Variants in MOSPD1 observed in about 807,000 individuals in gnomAD.
The protein encoded by MOSPD1 is motile sperm domain containing 1, also known as motile sperm domain-containing protein 1.
In MOSPD1, 5 loss-of-function variants were observed where a neutral mutation model predicts 16.7. The ratio of observed to expected loss-of-function variants is 0.30; its 90% CI spans 0.16 to 0.63. The LOEUF (loss-of-function observed/expected upper bound fraction) is 0.63, where lower values mean the gene tolerates loss of function less well. MOSPD1 is among the 30% of genes least tolerant of loss of function. MOSPD1 has a pLI of 0.82. For missense variants in MOSPD1, 104 were observed against 153.6 expected, an observed-to-expected ratio of 0.68 and a Z score of 1.71; for synonymous variants, 67 against 59.2, an observed-to-expected ratio of 1.13 and a Z score of -0.61.
In MOSPD1 at chrX:134,913,921, C is replaced by A. The variant is rs1189417253; in HGVS notation, c.-102+1261G>T. Among the ~76,000 whole-genome samples the A allele has an allele frequency of 2.3e-4, 26 of 111,812 alleles. No homozygotes were observed. In the Admixed American group the frequency reaches 2.5e-3, roughly 11 times the overall value. On this transcript the variant is annotated intron_variant, in intron 1 of 5. Coordinates refer to ENST00000370783, the MANE Select transcript of MOSPD1 (RefSeq NM_019556.3). ...TGGCCGTTTCCTGTTTTCCAAACTT[C>A]CCACTACCAACTATAAGTGTAATCT...
chrX:134,904,383 G>A (rs1285500833), intron 1 of MOSPD1, among the ~76,000 whole-genome samples: 3 of 112,319 alleles, frequency 2.7e-5, no homozygotes, highest in Non-Finnish European at 5.6e-5. Flanking sequence ...AATGCACATA[G>A]CCTCAGTTCC....
intron 5 of MOSPD1, among the ~76,000 whole-genome samples, chrX:134,890,380 G>A (rs1186257152): frequency 2.7e-5 from 3 of 109,747 alleles, no homozygotes; most frequent in African/African-American, 1.0e-4. Flanking sequence ...ACTAGGGGGT[G>A]GTTGTGAGAG....
intron 1 of MOSPD1, among the ~76,000 whole-genome samples, chrX:134,912,237 G>A (rs62601677): frequency 0.041 from 4,546 of 111,345 alleles, 104 homozygotes; most frequent in Non-Finnish European, 0.059. Flanking sequence ...TAGTAGAGTC[G>A]GGGTTTCTCC....
At chrX:134,905,613 T>C (rs760989014) in intron 1 of MOSPD1, among the ~76,000 whole-genome samples, 89 of 110,996 alleles carry the variant, frequency 8.0e-4, no homozygotes, top group Non-Finnish European at 1.0e-3. Flanking sequence ...TTGAAAAAGG[T>C]GCCTGTTTTT....
intron 4 of MOSPD1, 114 bp downstream of exon 4, chrX:134,896,703 A>G: frequency 1.8e-6 from 1 of 549,765 alleles, no homozygotes; most frequent in Admixed American, 3.7e-5. Flanking sequence ...GAAGTAGTTG[A>G]CCATGTTTGA....
chrX:134,896,978 C>T lies in MOSPD1; in HGVS notation c.287G>A (p.Arg96His), dbSNP rs761380770. ...SCHYGVIDKF[R>H]LQVSEQSQRK... ...TTGGCTTTGCTCGGAAACTTGGAGA[C>T]GGAATTTGTCTATTACACCATAGTG... Residue 96 changes from arginine (R) to histidine (H), a missense_variant, in exon 4 of 6, where the codon CGT becomes CAT. Arg to His is a conservative substitution (Grantham distance 29, BLOSUM62 0). This residue lies in a region of MOSPD1 where 68 missense variants were observed against 73.1 expected (regional missense o/e 0.93). Coordinates refer to ENST00000370783, the MANE Select transcript of MOSPD1 (RefSeq NM_019556.3). 6 of 1,210,781 alleles carry T rather than the reference C, an allele frequency of 5.0e-6. No homozygotes were observed. Among genetic ancestry groups the T allele is most frequent in the Admixed American group, 2.2e-5 (1 of 45,919 alleles).
Position 134,896,937 on chromosome X carries a change from T to C in MOSPD1, c.328A>G (p.Arg110Gly), listed in dbSNP as rs775224311. ...SEQSQRKALG[R>G]KEVVATLLPS... Reference sequence around the variant, plus strand: ...AGAAGAGTAGCAACAACCTCTTTTCTTCCCAAAGCCTTCCTTTGGCTTTGC... The same window carrying C: ...AGAAGAGTAGCAACAACCTCTTTTCCTCCCAAAGCCTTCCTTTGGCTTTGC... Residue 110 changes from arginine (R) to glycine (G), a missense_variant, in exon 4 of 6, where the codon AGA becomes GGA. Physicochemically the swap from Arg to Gly is moderately radical, Grantham distance 125. This residue lies in a region of MOSPD1 where 68 missense variants were observed against 73.1 expected (regional missense o/e 0.93). Coordinates refer to ENST00000370783, the MANE Select transcript of MOSPD1 (RefSeq NM_019556.3). 6.6e-6 allele frequency: 8 copies of C among 1,210,106 alleles called. No individual in the cohort carries two copies. Among genetic ancestry groups the C allele is most frequent in the Non-Finnish European group, 7.8e-6 (7 of 893,989 alleles).
At chrX:134,905,877 C>G (rs183056360) in intron 1 of MOSPD1, among the ~76,000 whole-genome samples, 3 of 112,195 alleles carry the variant, frequency 2.7e-5, no homozygotes, top group South Asian at 3.6e-4. Context: ...GTTCATAAAT[C>G]TGACTGGGAA....
Position 134,897,047 on chromosome X carries a change from A to G in MOSPD1, c.231-13T>C. The G allele has an allele frequency of 8.8e-7, 1 of 1,137,581 alleles. No homozygotes were observed. Among genetic ancestry groups the G allele is most frequent in the Non-Finnish European group, 1.2e-6 (1 of 832,723 alleles). The allele number at this position is 1,137,581 out of a possible 1,213,427, so 93.7% of individuals were successfully genotyped here. A position where few individuals can be genotyped will look rare whatever the true frequency, so the allele number is the denominator to read the frequency against. ...ATGACGAATCACACTGAAAACAGCA[A>G]AAATAACAAATGCTGTTTAGATTTC... is the stretch of plus-strand genomic sequence containing the variant. On this transcript the variant is annotated splice_polypyrimidine_tract_variant and intron_variant, in intron 3 of 5. Transcript: ENST00000370783.
At chrX:134,897,618 A>C (rs1487523777) in intron 3 of MOSPD1, among the ~76,000 whole-genome samples, 3 of 106,460 alleles carry the variant, frequency 2.8e-5, no homozygotes, top group Non-Finnish European at 1.9e-5. Flanking sequence ...TTTTCTGGAT[A>C]ACTCAGTGCA....
chrX:134,891,385 C>CT, intron 5 of MOSPD1, 94 bp downstream of exon 5: 1 of 889,458 alleles, frequency 1.1e-6, no homozygotes, highest in Non-Finnish European at 1.6e-6. Context: ...TTTACCTGTT[C>CT]TTTGGGAAAA....
At chrX:134,895,818 T>C (rs1223100706) in intron 4 of MOSPD1, among the ~76,000 whole-genome samples, 4 of 110,569 alleles carry the variant, frequency 3.6e-5, no homozygotes, top group East Asian at 2.9e-4. Context: ...AAAATCGCAA[T>C]TGCTTTTGCA....
intron 1 of MOSPD1, among the ~76,000 whole-genome samples, chrX:134,902,135 T>C (rs941102597): frequency 4.5e-5 from 5 of 111,245 alleles, no homozygotes; most frequent in Admixed American, 9.6e-5. Flanking sequence ...CCTGGCGCCA[T>C]GGTGGCTCAC....
intron 1 of MOSPD1, among the ~76,000 whole-genome samples, chrX:134,910,282 G>A (rs920027745): frequency 9.0e-6 from 1 of 110,834 alleles, no homozygotes; most frequent in African/African-American, 3.3e-5. Context: ...GCGGGCGCCT[G>A]TAATCCCAGC....
chrX:134,913,140 G>A (rs895419052), intron 1 of MOSPD1, among the ~76,000 whole-genome samples: 3 of 109,639 alleles, frequency 2.7e-5, no homozygotes, highest in Admixed American at 9.7e-5. Context: ...TTGGGAGACC[G>A]AGGGGGGGCA....
intron 1 of MOSPD1, among the ~76,000 whole-genome samples, chrX:134,901,374 C>T (rs113105439): frequency 0.013 from 1,441 of 108,572 alleles, 22 homozygotes; most frequent in African/African-American, 0.045. Context: ...GTTGGCCGGG[C>T]GCGGTGGCTC....
intron 1 of MOSPD1, among the ~76,000 whole-genome samples, chrX:134,913,513 A>G (rs1193870541): frequency 8.9e-6 from 1 of 112,084 alleles, no homozygotes; most frequent in East Asian, 2.8e-4. Flanking sequence ...TCATTTCTTA[A>G]CTGTTAGTTT....
In MOSPD1 at chrX:134,887,906, A is replaced by G. The variant is rs1322669572; in HGVS notation, c.*1255T>C. 1.8e-5 allele frequency: 2 copies of G among 113,026 alleles called. No homozygotes were observed. Among genetic ancestry groups the G allele is most frequent in the African/African-American group, 6.4e-5 (2 of 31,066 alleles). The allele number at this position is 113,026 out of a possible 1,213,427, so 9.3% of individuals were successfully genotyped here. On this transcript the variant is annotated 3_prime_UTR_variant, in exon 6 of 6. Transcript: ENST00000370783. ...TTTCCTATGGAAGACTAGACATAGA[A>G]GTTTTTAGAAGCAGAGACTGTTTTC...
intron 1 of MOSPD1, among the ~76,000 whole-genome samples, chrX:134,911,884 C>G (rs1406812919): frequency 8.9e-6 from 1 of 112,296 alleles, no homozygotes; most frequent in African/African-American, 3.2e-5. Context: ...GTAAAAGAAT[C>G]AGACTTTGTT....
Sources: allele counts gnomAD v4.1 joint callset (sites outside exome capture counted in the v4.1 genomes callset), GRCh38; gene constraint gnomAD v4.1.1; regional missense constraint gnomAD v4.1.1; transcripts MANE v1.5; gene names NCBI Gene and HGNC (gene_info 2026-07-23, HGNC 2026-07-21).